Variants in SLC9A9 observed in about 807,000 individuals in gnomAD.
SLC9A9 encodes the protein solute carrier family 9 member A9.
SLC9A9 carries 62 observed loss-of-function variants against 77.8 expected under a neutral mutation model. The ratio of observed to expected loss-of-function variants is 0.80; its 90% CI spans 0.65 to 0.98. The LOEUF (loss-of-function observed/expected upper bound fraction) is 0.98, where lower values mean the gene tolerates loss of function less well. Ranked by LOEUF, SLC9A9 falls within the 50% of genes least tolerant of loss-of-function variation. The pLI is 0.00. For missense variants in SLC9A9, 775 were observed against 774.9 expected (o/e 1.00, Z 0.00); for synonymous variants, 320 against 283.5 (o/e 1.13, Z -1.29).
Position 143,582,099 on chromosome 3 carries a change from C to G in SLC9A9, c.756-3376G>C, listed in dbSNP as rs140612935. ...GCTCGTTATCTCTTGAAGCAAATCA[C>G]CACCCACAAGATTTTTTAGCAGACA... is the stretch of plus-strand genomic sequence containing the variant. On this transcript the variant is annotated intron_variant, in intron 6 of 15. Transcript: ENST00000316549. 1.2e-4 allele frequency among the ~76,000 whole-genome samples: 19 copies of G among 152,316 alleles called. No homozygotes were observed. In the Middle Eastern group the frequency reaches 0.01, roughly 82 times the overall value.
At chr3:143,497,199 G>C (rs1047517441) in intron 9 of SLC9A9, among the ~76,000 whole-genome samples, 1 of 152,106 alleles carries the variant, frequency 6.6e-6, no homozygotes, top group East Asian at 1.9e-4. Flanking sequence ...TAAATTTGTA[G>C]TGCCTCTCTT....
intron 5 of SLC9A9, among the ~76,000 whole-genome samples, chr3:143,661,820 C>T (rs531989399): frequency 2.8e-4 from 42 of 152,198 alleles, no homozygotes; most frequent in African/African-American, 8.7e-4. Context: ...CCACTGTGTC[C>T]GGCCTCCTCT....
intron 9 of SLC9A9, among the ~76,000 whole-genome samples, chr3:143,502,832 G>T (rs2035948239): frequency 6.6e-6 from 1 of 151,924 alleles, no homozygotes; most frequent in Admixed American, 6.6e-5. Context: ...ATTAATCTTG[G>T]CTTATATTTT....
At chr3:143,707,261 CTA>C (rs1050758625) in intron 4 of SLC9A9, among the ~76,000 whole-genome samples, 27 of 152,076 alleles carry the variant, frequency 1.8e-4, no homozygotes, top group African/African-American at 6.3e-4. Flanking sequence ...TTTAAGAAGA[CTA>C]TGGTATGAAT....
At chr3:143,727,707 T>C (rs963865747) in intron 4 of SLC9A9, among the ~76,000 whole-genome samples, 2 of 152,210 alleles carry the variant, frequency 1.3e-5, no homozygotes, top group African/African-American at 4.8e-5. Flanking sequence ...AAAAGACAGC[T>C]GAGAAAATAA....
chr3:143,348,033 T>TA (rs2032343754), intron 14 of SLC9A9, among the ~76,000 whole-genome samples: 1 of 142,880 alleles, frequency 7.0e-6, no homozygotes, highest in Non-Finnish European at 1.6e-5. Context: ...TTTTTTTTTT[T>TA]AGAGGGAATC....
chr3:143,731,777 G>T (rs923116911), intron 4 of SLC9A9, among the ~76,000 whole-genome samples: 2 of 152,124 alleles, frequency 1.3e-5, no homozygotes, highest in African/African-American at 4.8e-5. Flanking sequence ...TTCTGAACAA[G>T]TCCTACTATA....
At chr3:143,469,239 T>C (rs190039382) in intron 11 of SLC9A9, among the ~76,000 whole-genome samples, 6 of 152,060 alleles carry the variant, frequency 3.9e-5, no homozygotes, top group South Asian at 4.1e-4. Context: ...AATAGAAATA[T>C]AGACTTGGAA....
intron 4 of SLC9A9, among the ~76,000 whole-genome samples, chr3:143,758,063 G>C (rs913863697): frequency 3.3e-5 from 5 of 152,082 alleles, no homozygotes. Context: ...AGCCCAATTT[G>C]AGAAACTCTA....
chr3:143,272,314 T>C (rs1325635735), intron 14 of SLC9A9, among the ~76,000 whole-genome samples: 2 of 152,186 alleles, frequency 1.3e-5, no homozygotes, highest in East Asian at 1.9e-4. Flanking sequence ...AATTCCCTTT[T>C]CTCGAAACTG....
intron 5 of SLC9A9, among the ~76,000 whole-genome samples, chr3:143,683,472 G>A (rs1456125139): frequency 6.6e-6 from 1 of 152,090 alleles, no homozygotes; most frequent in African/African-American, 2.4e-5. Context: ...GTAGATTAAA[G>A]GAGAACGCAG....
At chr3:143,321,254 G>A (rs1559866798) in intron 14 of SLC9A9, among the ~76,000 whole-genome samples, 1 of 152,218 alleles carries the variant, frequency 6.6e-6, no homozygotes, top group African/African-American at 2.4e-5. Context: ...CCTGCTCACC[G>A]TTGCTTAGAA....
intron 14 of SLC9A9, among the ~76,000 whole-genome samples, chr3:143,336,896 C>A (rs548831598): frequency 6.6e-6 from 1 of 152,006 alleles, no homozygotes; most frequent in East Asian, 1.9e-4. Context: ...CTTTTTACTA[C>A]ATTAATATTT....
chr3:143,714,134 C>T (rs527273189), intron 4 of SLC9A9, among the ~76,000 whole-genome samples: 38 of 152,278 alleles, frequency 2.5e-4, no homozygotes, highest in African/African-American at 8.4e-4. Context: ...CATTTAACTC[C>T]TCCGAATTGG....
At chr3:143,421,586 A>T (rs6789065) in intron 12 of SLC9A9, among the ~76,000 whole-genome samples, 89,757 of 151,996 alleles carry the variant, frequency 0.59, 26,758 homozygotes, top group South Asian at 0.74. Context: ...CACTACAAAA[A>T]TTAATCTAAG....
intron 14 of SLC9A9, among the ~76,000 whole-genome samples, chr3:143,272,117 G>T (rs1235587522): frequency 6.6e-6 from 1 of 152,160 alleles, no homozygotes; most frequent in Non-Finnish European, 1.5e-5. Context: ...GAGTTATCAG[G>T]TGGAGGGGAC....
chr3:143,434,653 T>C lies in SLC9A9; in HGVS notation c.1469+32384A>G, dbSNP rs2034588697. Among the ~76,000 whole-genome samples, 3 of 152,098 alleles carry C rather than the reference T, an allele frequency of 2.0e-5. No individual in the cohort carries two copies. In the South Asian group the frequency reaches 6.2e-4, roughly 31 times the overall value. ...AAACACCTCCGGCCCATCCCCCCCA[T>C]CTCACAGCTACTGCCCTAGGTCATC... On this transcript the variant is annotated intron_variant, in intron 12 of 15. Transcript: ENST00000316549.
At chr3:143,541,552 A>G (rs549239744) in intron 9 of SLC9A9, among the ~76,000 whole-genome samples, 2 of 152,366 alleles carry the variant, frequency 1.3e-5, no homozygotes, top group South Asian at 4.1e-4. Flanking sequence ...AATTTGTTAC[A>G]CAGCAATATA....
chr3:143,600,068 T>G (rs2037820198), intron 6 of SLC9A9, among the ~76,000 whole-genome samples: 1 of 152,124 alleles, frequency 6.6e-6, no homozygotes, highest in Admixed American at 6.5e-5. Context: ...CTGGGATATA[T>G]GTGCAGAATG....
Sources: allele counts gnomAD v4.1 joint callset (sites outside exome capture counted in the v4.1 genomes callset), GRCh38; gene constraint gnomAD v4.1.1; transcripts MANE v1.5; gene names NCBI Gene and HGNC (gene_info 2026-07-23, HGNC 2026-07-21).